Variants in CCBE1 observed in about 807,000 individuals in gnomAD.
CCBE1 encodes the protein collagen and calcium-binding EGF domain-containing protein 1.
A neutral mutation model predicts 50.0 loss-of-function variants in CCBE1; 37 were observed. That is an observed-to-expected ratio of 0.74 (90% CI 0.57 to 0.97). The LOEUF is 0.97. Ranked by LOEUF, CCBE1 falls within the 50% of genes least tolerant of loss-of-function variation. The probability of loss-of-function intolerance (pLI) is 0.00; values close to 1 mark genes in which losing one functional copy is unlikely to be tolerated. For synonymous variants in CCBE1, 234 were observed against 203.7 expected (o/e 1.15, Z -1.27); for missense variants, 538 against 523.8 (o/e 1.03, Z -0.26).
chr18:59,639,185 G>C (rs1307987700), intron 2 of CCBE1, among the ~76,000 whole-genome samples: 1 of 152,118 alleles, frequency 6.6e-6, no homozygotes, highest in African/African-American at 2.4e-5. Flanking sequence ...TGGGAGAATG[G>C]ATTGAGCCCG....
chr18:59,642,811 T>A (rs538028876), intron 2 of CCBE1, among the ~76,000 whole-genome samples: 7 of 151,606 alleles, frequency 4.6e-5, no homozygotes, highest in Admixed American at 4.6e-4. Context: ...TAGCCAGGCG[T>A]GATGGTAGGT....
rs79596673 is a variant in CCBE1 at position 59,469,652 on chromosome 18, G to A, written c.266-45C>T. The A allele has an allele frequency of 3.6e-3, 5,776 of 1,612,490 alleles. 152 individuals are homozygous for A. The African/African-American group carries it at 0.065, about 18-fold the overall frequency. ...GCTCACATCAACTACAGGAGGAGGC[G>A]GAGTAACCTGGCCCTGGCCTGGAAA... On this transcript the variant is annotated intron_variant, in intron 3 of 10. Coordinates refer to ENST00000439986, the MANE Select transcript of CCBE1 (RefSeq NM_133459.4).
chr18:59,543,692 G>C (rs1386146365), intron 2 of CCBE1, among the ~76,000 whole-genome samples: 1 of 152,114 alleles, frequency 6.6e-6, no homozygotes, highest in Non-Finnish European at 1.5e-5. Context: ...AAAATTAGCC[G>C]GGTGTGGTGG....
intron 2 of CCBE1, among the ~76,000 whole-genome samples, chr18:59,540,867 C>T (rs543529887): frequency 2.0e-5 from 3 of 152,250 alleles, no homozygotes; most frequent in Admixed American, 6.5e-5. Context: ...TCAATTCCTG[C>T]CCCAAAAATC....
intron 2 of CCBE1, among the ~76,000 whole-genome samples, chr18:59,556,074 A>C (rs1344161629): frequency 6.6e-6 from 1 of 152,164 alleles, no homozygotes; most frequent in East Asian, 1.9e-4. Flanking sequence ...GCAAGCTCCC[A>C]TGTCAGCCTT....
At chr18:59,484,632 A>G (rs1304404419) in intron 2 of CCBE1, among the ~76,000 whole-genome samples, 2 of 152,246 alleles carry the variant, frequency 1.3e-5, no homozygotes, top group Non-Finnish European at 2.9e-5. Flanking sequence ...AACTCCATCA[A>G]GAGAAGATCT....
At chr18:59,501,164 G>GA in intron 2 of CCBE1, among the ~76,000 whole-genome samples, 1 of 152,346 alleles carries the variant, frequency 6.6e-6, no homozygotes, top group East Asian at 1.9e-4. Context: ...TGGATGTGGT[G>GA]ATGCCATCCT....
intron 2 of CCBE1, among the ~76,000 whole-genome samples, chr18:59,595,844 T>G (rs1319994165): frequency 6.6e-6 from 1 of 152,200 alleles, no homozygotes; most frequent in Non-Finnish European, 1.5e-5. Context: ...CTTTATCAAG[T>G]GGGTACCACA....
intron 2 of CCBE1, among the ~76,000 whole-genome samples, chr18:59,658,408 TATATATATAA>T (rs2054233422): frequency 1.8e-5 from 1 of 57,030 alleles, no homozygotes; most frequent in Non-Finnish European, 3.1e-5. Flanking sequence ...TATATATATA[TATATATATAA>T]AGTTAGCTAC....
chr18:59,654,916 A>G (rs953157291), intron 2 of CCBE1, among the ~76,000 whole-genome samples: 4 of 151,708 alleles, frequency 2.6e-5, no homozygotes, highest in African/African-American at 7.3e-5. Context: ...CAGCCTGGCC[A>G]ACATGGCAAA....
chr18:59,564,503 T>C (rs1282821805), intron 2 of CCBE1, among the ~76,000 whole-genome samples: 1 of 152,248 alleles, frequency 6.6e-6, no homozygotes, highest in Non-Finnish European at 1.5e-5. Context: ...TACTAGTATA[T>C]TTAATGAGAA....
chr18:59,545,207 A>T lies in CCBE1; in HGVS notation c.213-64969T>A, dbSNP rs1271095021. ...ACGGTATCTCGCTGTAAATATATGC[A>T]TCTCTATATATGTGTGTATATATCC... On this transcript the variant is annotated intron_variant, in intron 2 of 10. Transcript: ENST00000439986. Among the ~76,000 whole-genome samples, 3 of 152,290 alleles carry T rather than the reference A, an allele frequency of 2.0e-5. No individual in the cohort carries two copies. In the East Asian group the frequency reaches 5.8e-4, roughly 29 times the overall value.
At chr18:59,548,439 C>T (rs953237435) in intron 2 of CCBE1, among the ~76,000 whole-genome samples, 6 of 152,162 alleles carry the variant, frequency 3.9e-5, no homozygotes, top group African/African-American at 1.2e-4. Context: ...ATAGAGATTG[C>T]AGGGTGTGGC....
chr18:59,456,729 T>C (rs1911210625), intron 5 of CCBE1, among the ~76,000 whole-genome samples: 1 of 152,194 alleles, frequency 6.6e-6, no homozygotes, highest in African/African-American at 2.4e-5. Flanking sequence ...GCAGCCCACA[T>C]GCAGGCAAAA....
intron 7 of CCBE1, 142 bp downstream of exon 7, chr18:59,447,841 G>A (rs1910749669): frequency 8.1e-7 from 1 of 1,230,532 alleles, no homozygotes; most frequent in Non-Finnish European, 1.2e-6. Flanking sequence ...CTCATTGCAT[G>A]GGTGTGTGGC....
chr18:59,509,626 C>G (rs1474140091), intron 2 of CCBE1, among the ~76,000 whole-genome samples: 1 of 152,168 alleles, frequency 6.6e-6, no homozygotes, highest in Non-Finnish European at 1.5e-5. Flanking sequence ...CATTTTGAAT[C>G]TAGCACATGT....
intron 2 of CCBE1, among the ~76,000 whole-genome samples, chr18:59,511,377 G>A (rs1207289033): frequency 6.6e-6 from 1 of 152,198 alleles, no homozygotes; most frequent in Non-Finnish European, 1.5e-5. Context: ...GCTCCTGAAA[G>A]GCCCTTGCCC....
At chr18:59,481,867 G>A (rs1912586108) in intron 2 of CCBE1, among the ~76,000 whole-genome samples, 1 of 152,144 alleles carries the variant, frequency 6.6e-6, no homozygotes, top group Admixed American at 6.5e-5. Flanking sequence ...AAGGAATGAA[G>A]AGCATTATAA....
chr18:59,610,691 TC>T (rs1354953404), intron 2 of CCBE1, among the ~76,000 whole-genome samples: 1 of 152,188 alleles, frequency 6.6e-6, no homozygotes, highest in African/African-American at 2.4e-5. Flanking sequence ...TGCAGCTACT[TC>T]CTAAGTGGGC....
Sources: gnomAD v4.1 joint callset for allele counts (sites outside exome capture counted in the v4.1 genomes callset) on GRCh38, gnomAD v4.1.1 for gene constraint, MANE v1.5 for transcripts, NCBI Gene and HGNC (gene_info 2026-07-23, HGNC 2026-07-21) for gene names.